The following CDH13 variants were observed in gnomAD, a reference collection of about 807,000 sequenced individuals.
CDH13 encodes the protein cadherin 13, also known as cadherin-13.
CDH13 carries 24 observed loss-of-function variants against 63.8 expected under a neutral mutation model. The ratio of observed to expected loss-of-function variants is 0.38; its 90% CI spans 0.27 to 0.53. The LOEUF is 0.53. Among genes scored for constraint, CDH13 ranks in the 20% least tolerant of loss-of-function variants. CDH13 has a pLI of 0.85. For synonymous variants in CDH13, 503 were observed against 355.3 expected (o/e 1.42, Z -4.67); for missense variants, 1,049 against 903.1 (o/e 1.16, Z -2.07).
intron 2 of CDH13, among the ~76,000 whole-genome samples, chr16:82,938,467 G>C (rs1439057064): frequency 3.3e-5 from 5 of 152,314 alleles, no homozygotes; most frequent in African/African-American, 1.2e-4. Flanking sequence ...CTGAGCTTTT[G>C]ACAGAGTGTC....
chr16:83,267,524 A>T (rs1285150120), intron 5 of CDH13, among the ~76,000 whole-genome samples: 2 of 152,084 alleles, frequency 1.3e-5, no homozygotes, highest in African/African-American at 4.8e-5. Context: ...AAGAGGTAAG[A>T]CCTCTAAAAG....
chr16:83,221,363 C>A (rs897594532), intron 5 of CDH13, among the ~76,000 whole-genome samples: 2 of 152,138 alleles, frequency 1.3e-5, no homozygotes, highest in African/African-American at 4.8e-5. Flanking sequence ...TAGCACCTGG[C>A]AAAATAATTT....
At chr16:83,118,629 C>T (rs891648906) in intron 3 of CDH13, among the ~76,000 whole-genome samples, 2 of 152,102 alleles carry the variant, frequency 1.3e-5, no homozygotes, top group African/African-American at 4.8e-5. Context: ...TAATAAGACT[C>T]ATCCTTCATT....
At chr16:82,638,823 T>TGTGTGTGTGCGCGCGC (rs139451683) in intron 1 of CDH13, among the ~76,000 whole-genome samples, 5 of 150,790 alleles carry the variant, frequency 3.3e-5, no homozygotes, top group African/African-American at 1.2e-4. Context: ...GGGCAGTGTG[T>TGTGTGTGTGCGCGCGC]GCGTGTGTGC....
chr16:83,450,696 C>G (rs2072863550), intron 6 of CDH13, among the ~76,000 whole-genome samples: 1 of 152,126 alleles, frequency 6.6e-6, no homozygotes, highest in Non-Finnish European at 1.5e-5. Context: ...TAGTGAAACC[C>G]TGTCTCTACT....
intron 2 of CDH13, among the ~76,000 whole-genome samples, chr16:82,863,856 A>AT (rs2151176250): frequency 6.6e-6 from 1 of 151,354 alleles, no homozygotes; most frequent in African/African-American, 2.4e-5. Context: ...TGGACCAGTA[A>AT]TTTTTTTAAA....
At position 83,678,468 on chromosome 16, in the gene CDH13, G is replaced by C; in HGVS notation, c.1538+7G>C. 6.2e-7 allele frequency: 1 copy of C among 1,613,814 alleles called. No homozygotes were observed. The highest frequency in any genetic ancestry group is 8.5e-7 in the Non-Finnish European group (1 of 1,179,768). ...TGCAGCATCAAACCATCAGGTGGGT[G>C]AGTGGCTCCGGAACCACAGACGGGA... On this transcript the variant is annotated splice_region_variant and intron_variant, in intron 10 of 13. Transcript: ENST00000567109.
chr16:82,839,595 A>G (rs1001084377), intron 1 of CDH13, among the ~76,000 whole-genome samples: 1 of 151,936 alleles, frequency 6.6e-6, no homozygotes, highest in African/African-American at 2.4e-5. Context: ...GGCCCTCAGT[A>G]CCCCCAACTT....
chr16:82,916,434 C>T (rs1378432644), intron 2 of CDH13, among the ~76,000 whole-genome samples: 2 of 152,014 alleles, frequency 1.3e-5, no homozygotes, highest in Admixed American at 6.6e-5. Context: ...ATTAGCCGGG[C>T]ATGGTGGCAG....
At chr16:83,633,829 A>AT (rs971248336) in intron 8 of CDH13, among the ~76,000 whole-genome samples, 3 of 152,140 alleles carry the variant, frequency 2.0e-5, no homozygotes, top group African/African-American at 7.2e-5. Flanking sequence ...TAAACAAGGT[A>AT]TCCCCCCTCC....
intron 1 of CDH13, among the ~76,000 whole-genome samples, chr16:82,707,378 G>A (rs2151000748): frequency 6.6e-6 from 1 of 152,300 alleles, no homozygotes; most frequent in Admixed American, 6.5e-5. Flanking sequence ...TGCAATACAG[G>A]CACTGGCCAA....
At chr16:83,524,699 G>A (rs987314694) in intron 7 of CDH13, among the ~76,000 whole-genome samples, 14 of 151,994 alleles carry the variant, frequency 9.2e-5, no homozygotes, top group Non-Finnish European at 4.4e-5. Context: ...TGATCCGCCC[G>A]CCTCGGCCTT....
intron 2 of CDH13, among the ~76,000 whole-genome samples, chr16:82,956,403 C>T (rs1597290705): frequency 6.6e-6 from 1 of 152,152 alleles, no homozygotes; most frequent in East Asian, 1.9e-4. Flanking sequence ...TATTTTCAAG[C>T]TCAGATGTAT....
At chr16:83,762,757 T>A (rs1284080421) in intron 11 of CDH13, among the ~76,000 whole-genome samples, 1 of 152,160 alleles carries the variant, frequency 6.6e-6, no homozygotes, top group African/African-American at 2.4e-5. Context: ...GGTAACCTAA[T>A]CTTTCCCCCT....
At chr16:83,410,741 A>G (rs1466971449) in intron 6 of CDH13, among the ~76,000 whole-genome samples, 2 of 152,174 alleles carry the variant, frequency 1.3e-5, no homozygotes, top group African/African-American at 2.4e-5. Flanking sequence ...AGAAGGTTCA[A>G]TTTAATTATG....
chr16:83,527,422 C>T (rs139048684), intron 7 of CDH13, among the ~76,000 whole-genome samples: 175 of 151,710 alleles, frequency 1.2e-3, no homozygotes, highest in African/African-American at 3.9e-3. Flanking sequence ...GCACTCCAGC[C>T]TGGGCGACAA....
At chr16:83,732,374 G>A (rs573373396) in intron 10 of CDH13, among the ~76,000 whole-genome samples, 4 of 152,292 alleles carry the variant, frequency 2.6e-5, no homozygotes, top group African/African-American at 4.8e-5. Context: ...AGGCTGGGAC[G>A]ATGGGAGAGC....
intron 7 of CDH13, among the ~76,000 whole-genome samples, chr16:83,547,228 G>C (rs2075402067): frequency 6.6e-6 from 1 of 152,226 alleles, no homozygotes; most frequent in Admixed American, 6.5e-5. Flanking sequence ...GGCTTCAAGA[G>C]TACACAGCAG....
intron 4 of CDH13, among the ~76,000 whole-genome samples, chr16:83,184,563 T>C (rs992988575): frequency 6.6e-6 from 1 of 152,172 alleles, no homozygotes; most frequent in Admixed American, 6.5e-5. Context: ...AAGACCAGCC[T>C]GGCCAACATG....
Sources: allele counts gnomAD v4.1 joint callset (sites outside exome capture counted in the v4.1 genomes callset), GRCh38; gene constraint gnomAD v4.1.1; transcripts MANE v1.5; gene names NCBI Gene and HGNC (gene_info 2026-07-23, HGNC 2026-07-21).